Variants in ANKRD7 observed in about 807,000 individuals in gnomAD.
ANKRD7 encodes ankyrin repeat domain-containing protein 7.
A neutral mutation model predicts 30.8 loss-of-function variants in ANKRD7; 30 were observed. The observed-to-expected ratio is 0.97, with a 90% CI of 0.73 to 1.32. The LOEUF is 1.32. Among genes scored for constraint, ANKRD7 ranks in the 40% most tolerant of loss-of-function variants. The probability of loss-of-function intolerance (pLI) is 0.00; values close to 1 mark genes in which losing one functional copy is unlikely to be tolerated. For missense variants in ANKRD7, 264 were observed against 295.7 expected, an observed-to-expected ratio of 0.89 and a Z score of 0.79; for synonymous variants, 97 against 106.6, an observed-to-expected ratio of 0.91 and a Z score of 0.55.
chr7:118,226,576 C>T (rs567577997), intron 1 of ANKRD7, among the ~76,000 whole-genome samples: 2 of 152,028 alleles, frequency 1.3e-5, no homozygotes, highest in African/African-American at 4.8e-5. Flanking sequence ...AATATATTTA[C>T]TGTTAAGTTG....
chr7:118,236,899 A>G lies in ANKRD7; in HGVS notation c.685A>G (p.Asn229Asp). Residue 229 changes from asparagine (N) to aspartate (D), a missense_variant, in exon 5 of 7, where the codon AAT (asparagine) becomes GAT (aspartate). Transcript: ENST00000265224. ...YEGIVDSQLR[N>D]MFISMVLLHR... Reference sequence around the variant, plus strand: ...AGGTATTGTGGATTCACAGCTGAGGAATATGTTTATTTCCATGGTTTTACT... The same window carrying G: ...AGGTATTGTGGATTCACAGCTGAGGGATATGTTTATTTCCATGGTTTTACT... 1.9e-6 allele frequency: 3 copies of G among 1,613,946 alleles called. No homozygotes were observed. Among genetic ancestry groups the G allele is most frequent in the Non-Finnish European group, 2.5e-6 (3 of 1,179,866 alleles).
rs780672496 is a variant in ANKRD7, at chr7:118,234,536, A to G, written c.285A>G (p.Pro95=). The change falls in exon 2 of 7, where the codon CCA becomes CCG. Residue 95 remains proline (P), a synonymous_variant. Transcript: ENST00000265224. Reference sequence around the variant, plus strand: ...TCCGGGATAGTGAAAACAAATCCCCATTGATTAAGGTATGCCATAGTTTTT... The same window carrying G: ...TCCGGGATAGTGAAAACAAATCCCCGTTGATTAAGGTATGCCATAGTTTTT... ...INVRDSENKS[P]LIKAVQCQNE... 7 of 1,608,834 alleles carry G rather than the reference A, an allele frequency of 4.4e-6. No individual in the cohort carries two copies.
chr7:118,240,063 AGG>A (rs1809800994), intron 6 of ANKRD7, 65 bp downstream of exon 6: 3 of 901,484 alleles, frequency 3.3e-6, no homozygotes, highest in Non-Finnish European at 4.6e-6. Context: ...TTTTTAGGAA[AGG>A]AAACAACTTT....
rs1809742261 is a variant in ANKRD7 at position 118,237,039 on chromosome 7, A to G, written c.712+113A>G. Reference sequence around the variant, plus strand: ...GGCTCAACAGTAGGGGTAACCACATACAAATCTGTGCAGGGATTCTTGATT... The same window carrying G: ...GGCTCAACAGTAGGGGTAACCACATGCAAATCTGTGCAGGGATTCTTGATT... On this transcript the variant is annotated intron_variant, in intron 5 of 6. Coordinates refer to ENST00000265224, the MANE Select transcript of ANKRD7 (RefSeq NM_019644.4). 6.3e-6 allele frequency: 7 copies of G among 1,112,740 alleles called. No individual in the cohort carries two copies. The East Asian group carries it at 1.7e-4, about 27-fold the overall frequency. The allele number at this position is 1,112,740 out of a possible 1,614,324, so 68.9% of individuals were successfully genotyped here.
chr7:118,229,151 G>C (rs1292301048), intron 1 of ANKRD7, among the ~76,000 whole-genome samples: 1 of 151,974 alleles, frequency 6.6e-6, no homozygotes, highest in Admixed American at 6.6e-5. Context: ...TAGGGTTTTT[G>C]GACTAGCTGG....
intron 1 of ANKRD7, among the ~76,000 whole-genome samples, chr7:118,225,933 G>T (rs2115991198): frequency 6.6e-6 from 1 of 152,222 alleles, no homozygotes; most frequent in Non-Finnish European, 1.5e-5. Flanking sequence ...CAGATTCTGG[G>T]ATAATATGAT....
At chr7:118,239,717 G>A (rs930470400) in intron 5 of ANKRD7, 192 bp from the exon 6 acceptor site, 1 of 352,254 alleles carries the variant, frequency 2.8e-6, no homozygotes, top group Non-Finnish European at 5.1e-6. Flanking sequence ...AAGAAAAGAG[G>A]TGCCAGAGAA....
intron 1 of ANKRD7, among the ~76,000 whole-genome samples, chr7:118,230,974 A>G (rs924434866): frequency 1.4e-4 from 21 of 152,050 alleles, no homozygotes. Flanking sequence ...GAAAATTGGA[A>G]TTTCTGGTAA....
rs752251045 is a variant in ANKRD7, at chr7:118,234,891, GA to G, written c.468+24del. 8 of 1,568,880 alleles carry G rather than the reference GA, an allele frequency of 5.1e-6. No homozygotes were observed. The highest frequency in any genetic ancestry group is 1.4e-5 in the African/African-American group (1 of 72,318). On this transcript the variant is annotated intron_variant, in intron 3 of 6. Coordinates refer to ENST00000265224, the MANE Select transcript of ANKRD7 (RefSeq NM_019644.4). The stretch of plus-strand genomic sequence containing the variant: ...AAAAATAAGGTAGTTTTCTATTAAA[GA>G]AAAAAATCCTGTATTTTAGAAAGCA...
At chr7:118,228,787 C>T (rs1047612533) in intron 1 of ANKRD7, among the ~76,000 whole-genome samples, 1 of 152,154 alleles carries the variant, frequency 6.6e-6, no homozygotes, top group African/African-American at 2.4e-5. Flanking sequence ...GCATTTCTTG[C>T]CACCTTTATA....
intron 1 of ANKRD7, among the ~76,000 whole-genome samples, chr7:118,232,421 G>A (rs974378890): frequency 6.6e-6 from 1 of 151,932 alleles, no homozygotes; most frequent in Non-Finnish European, 1.5e-5. Context: ...AGTGTTTTGT[G>A]CATGCTCAAA....
chr7:118,240,853 T>A (rs1809821811), intron 6 of ANKRD7, among the ~76,000 whole-genome samples: 1 of 152,086 alleles, frequency 6.6e-6, no homozygotes. Flanking sequence ...GTTATTCATT[T>A]TCAAGAATAT....
chr7:118,235,255 C>G (rs926550829), intron 3 of ANKRD7, among the ~76,000 whole-genome samples: 1 of 152,018 alleles, frequency 6.6e-6, no homozygotes, highest in Non-Finnish European at 1.5e-5. Context: ...TAGCAAATGA[C>G]ACAATATTAA....
chr7:118,229,280 C>T (rs1375449523), intron 1 of ANKRD7, among the ~76,000 whole-genome samples: 1 of 152,150 alleles, frequency 6.6e-6, no homozygotes, highest in Non-Finnish European at 1.5e-5. Context: ...TCTTTACCTA[C>T]AGTTGTACCC....
In ANKRD7 at chr7:118,234,429, A is replaced by G; in HGVS notation, c.180-2A>G. 6.4e-7 allele frequency: 1 copy of G among 1,573,346 alleles called. No homozygotes were observed. The highest frequency in any genetic ancestry group is 1.2e-5 in the South Asian group (1 of 84,186). The stretch of plus-strand genomic sequence containing the variant: ...ACTTTGTGTTTTGTTTTATTGACAT[A>G]GAACACCTTTGCACCTAGCCTGTGC... On this transcript the variant is annotated splice_acceptor_variant, in intron 1 of 6. Coordinates refer to ENST00000265224, the MANE Select transcript of ANKRD7 (RefSeq NM_019644.4). LOFTEE classifies it high-confidence loss of function.
At position 118,224,895 on chromosome 7, in the gene ANKRD7, G is replaced by A. The variant is rs201254477; in HGVS notation, c.65G>A (p.Arg22Gln). 1.3e-5 allele frequency: 21 copies of A among 1,614,054 alleles called. No individual in the cohort carries two copies. Among genetic ancestry groups the A allele is most frequent in the East Asian group, 2.2e-5 (1 of 44,886 alleles). The change falls in exon 1 of 7, where the codon CGA (arginine) becomes CAA (glutamine). Residue 22 changes from arginine (R) to glutamine (Q), a missense_variant. Coordinates refer to ENST00000265224, the MANE Select transcript of ANKRD7 (RefSeq NM_019644.4). Reference protein sequence around the residue: ...NETRSQGYNLREKDLKKLHRA... With the variant: ...NETRSQGYNLQEKDLKKLHRA... Reference sequence around the variant, plus strand: ...ACCCGCAGCCAGGGCTACAACCTTCGAGAAAAGGATTTAAAGAAACTTCAC... The same window carrying A: ...ACCCGCAGCCAGGGCTACAACCTTCAAGAAAAGGATTTAAAGAAACTTCAC...
chr7:118,237,143 T>C (rs1043867565), intron 5 of ANKRD7, among the ~76,000 whole-genome samples: 4 of 152,114 alleles, frequency 2.6e-5, no homozygotes, highest in Non-Finnish European at 4.4e-5. Context: ...GGCAGGAGCA[T>C]TGGAAGTGTG....
In ANKRD7 at chr7:118,224,921, A is replaced by C; in HGVS notation, c.91A>C (p.Arg31=). 2 of 1,614,240 alleles carry C rather than the reference A, an allele frequency of 1.2e-6. No homozygotes were observed. Among genetic ancestry groups the C allele is most frequent in the Non-Finnish European group, 1.7e-6 (2 of 1,180,036 alleles). Residue 31 remains arginine, a synonymous_variant, in exon 1 of 7, where the codon AGA becomes CGA. Transcript: ENST00000265224. ...AGAAAAGGATTTAAAGAAACTTCACAGAGCTGCTTCAGTCGGGGATTTGAA... is the reference window on the plus strand; with the variant it reads ...AGAAAAGGATTTAAAGAAACTTCACCGAGCTGCTTCAGTCGGGGATTTGAA... ...LREKDLKKLH[R]AASVGDLKKL...
In ANKRD7 at chr7:118,234,883, C is replaced by G. The variant is rs1259064292; in HGVS notation, c.468+9C>G. 1 of 1,575,846 alleles carries G rather than the reference C, an allele frequency of 6.3e-7. No individual in the cohort carries two copies. Among genetic ancestry groups the G allele is most frequent in the Non-Finnish European group, 8.6e-7 (1 of 1,167,582 alleles). On this transcript the variant is annotated intron_variant, in intron 3 of 6. Coordinates refer to ENST00000265224, the MANE Select transcript of ANKRD7 (RefSeq NM_019644.4). The stretch of plus-strand genomic sequence containing the variant: ...TTGAAGCGAAAAATAAGGTAGTTTT[C>G]TATTAAAGAAAAAAATCCTGTATTT...
Sources: allele counts gnomAD v4.1 joint callset (sites outside exome capture counted in the v4.1 genomes callset), GRCh38; gene constraint gnomAD v4.1.1; transcripts MANE v1.5; gene names NCBI Gene and HGNC (gene_info 2026-07-23, HGNC 2026-07-21).